The following ZNF567 variants were observed in gnomAD, a reference collection of about 807,000 sequenced individuals.
ZNF567 encodes zinc finger protein 567.
In ZNF567, 36 loss-of-function variants were observed where a neutral mutation model predicts 53.9. The observed-to-expected ratio is 0.67, with a 90% CI of 0.51 to 0.88. The LOEUF (loss-of-function observed/expected upper bound fraction) is 0.88. Among genes scored for constraint, ZNF567 ranks in the 40% least tolerant of loss-of-function variants. The pLI is 0.00. For synonymous variants in ZNF567, 224 were observed against 260.4 expected, an observed-to-expected ratio of 0.86 and a Z score of 1.35; for missense variants, 619 against 764.7, an observed-to-expected ratio of 0.81 and a Z score of 2.25.
chr19:36,712,688 G>A lies in ZNF567; in HGVS notation c.137-93G>A, dbSNP rs1222018016. ...TGCTACCTATATTGTTACACAAATGGGTGTCTTAATTTGCAGTACTGAACA... is the reference window on the plus strand; with the variant it reads ...TGCTACCTATATTGTTACACAAATGAGTGTCTTAATTTGCAGTACTGAACA... On this transcript the variant is annotated intron_variant, in intron 4 of 5. Coordinates refer to ENST00000682579, the MANE Select transcript of ZNF567 (RefSeq NM_001322917.1). 2.9e-6 allele frequency: 4 copies of A among 1,385,190 alleles called. No homozygotes were observed. The East Asian group carries it at 9.2e-5, about 32-fold the overall frequency. 85.8% of individuals were successfully genotyped at this position (1,385,190 alleles called of 1,614,324 possible). A position where few individuals can be genotyped will look rare whatever the true frequency, so the allele number is the denominator to read the frequency against.
the ZNF567 span, among the ~76,000 whole-genome samples, chr19:36,676,082 T>TTTTTTTTTTTTTTTTTC: frequency 7.3e-6 from 1 of 136,718 alleles, no homozygotes; most frequent in Non-Finnish European, 1.6e-5. Context: ...TTTTTTTTTT[T>TTTTTTTTTTTTTTTTTC]TTGAGACAGA....
chr19:36,703,247 G>A (rs1275157518), intron 3 of ZNF567, among the ~76,000 whole-genome samples: 3 of 152,106 alleles, frequency 2.0e-5, no homozygotes, highest in East Asian at 1.9e-4. Context: ...GCGGATTTTC[G>A]TGATCCGCAA....
At chr19:36,689,240 T>A (rs146842720) in intron 1 of ZNF567, among the ~76,000 whole-genome samples, 157 bp from the exon 2 acceptor site, 1,954 of 70,984 alleles carry the variant, frequency 0.028, 24 homozygotes, top group Middle Eastern at 0.058. Flanking sequence ...TTTGAGAGTG[T>A]GTGTGTGTGT....
chr19:36,696,807 A>G (rs1286675568), intron 3 of ZNF567, among the ~76,000 whole-genome samples: 1 of 152,172 alleles, frequency 6.6e-6, no homozygotes, highest in Non-Finnish European at 1.5e-5. Flanking sequence ...ACTTTTTATT[A>G]TGGTAAAATA....
rs1302802750 is a variant in ZNF567, at chr19:36,719,543, A to G, written c.819A>G (p.Gly273=). The G allele has an allele frequency of 1.9e-6, 3 of 1,614,034 alleles. No individual in the cohort carries two copies. Among genetic ancestry groups the G allele is most frequent in the Non-Finnish European group, 2.5e-6 (3 of 1,180,024 alleles). Reference sequence around the variant, plus strand: ...AATCAGTATTGATTCTGCATCAGGGAATTCACTCAGAAGAAAAACCCTATC... The same window carrying G: ...AATCAGTATTGATTCTGCATCAGGGGATTCACTCAGAAGAAAAACCCTATC... ...CRKSVLILHQ[G]IHSEEKPYQC... is the part of the protein sequence containing the mutation. Residue 273 remains glycine (G), a synonymous_variant, in exon 6 of 6, where the codon GGA becomes GGG. Coordinates refer to ENST00000682579, the MANE Select transcript of ZNF567 (RefSeq NM_001322917.1).
At position 36,720,899 on chromosome 19, in the gene ZNF567, C is replaced by G. The variant is rs971017808; in HGVS notation, c.*231C>G. ...ATTTTAAAGTCAACTGCTCTTCCTA[C>G]TGACTCAAATAGTTTATTTTTTAAA... On this transcript the variant is annotated 3_prime_UTR_variant, in exon 6 of 6. Coordinates refer to ENST00000682579, the MANE Select transcript of ZNF567 (RefSeq NM_001322917.1). 2.2e-5 allele frequency: 7 copies of G among 323,752 alleles called. No individual in the cohort carries two copies. The East Asian group carries it at 3.0e-4, about 14-fold the overall frequency. The allele number at this position is 323,752 out of a possible 1,614,324, so 20.1% of individuals were successfully genotyped here.
At chr19:36,721,668 T>A (rs28735856), downstream of ZNF567, among the ~76,000 whole-genome samples, 2,246 of 151,972 alleles carry the variant, frequency 0.015, 56 homozygotes, top group African/African-American at 0.05. Context: ...GGAATTAGAA[T>A]TCATACAAGA....
chr19:36,675,512 A>C, the ZNF567 span, among the ~76,000 whole-genome samples: 1 of 152,026 alleles, frequency 6.6e-6, no homozygotes, highest in African/African-American at 2.4e-5. Flanking sequence ...GTCTCTACTA[A>C]AAATACAAAA....
the ZNF567 span, among the ~76,000 whole-genome samples, chr19:36,673,060 A>G: frequency 6.6e-6 from 1 of 151,068 alleles, no homozygotes; most frequent in East Asian, 1.9e-4. Context: ...TGATATACTG[A>G]CTTTATATTA....
intron 3 of ZNF567, among the ~76,000 whole-genome samples, chr19:36,700,757 T>C (rs923277170): frequency 6.6e-6 from 1 of 152,204 alleles, no homozygotes; most frequent in Non-Finnish European, 1.5e-5. Context: ...TTCTGTGGGA[T>C]CGGTGGTGAT....
chr19:36,715,505 TAA>T (rs1568711485), intron 5 of ZNF567, among the ~76,000 whole-genome samples: 2,278 of 27,282 alleles, frequency 0.083, 19 homozygotes, highest in African/African-American at 0.2. Flanking sequence ...ATAATAATAA[TAA>T]TAATTATTAT....
chr19:36,690,237 AAG>A (rs1194798226), intron 2 of ZNF567, among the ~76,000 whole-genome samples: 1 of 152,214 alleles, frequency 6.6e-6, no homozygotes, highest in African/African-American at 2.4e-5. Flanking sequence ...CATCAAAAAT[AAG>A]AGATACAAAG....
chr19:36,717,271 A>G (rs770797435), intron 5 of ZNF567, among the ~76,000 whole-genome samples: 2 of 152,174 alleles, frequency 1.3e-5, no homozygotes, highest in Non-Finnish European at 2.9e-5. Context: ...CAATAATTAT[A>G]TTGCAAATTT....
At chr19:36,714,586 T>G (rs1600568193) in intron 5 of ZNF567, 2 of 394,486 alleles carry the variant, frequency 5.1e-6, no homozygotes, top group East Asian at 7.2e-5. Context: ...GGCTTTGTTT[T>G]CTGTGCTAAG....
At chr19:36,693,948 C>T (rs967707342) in intron 2 of ZNF567, among the ~76,000 whole-genome samples, 2 of 152,130 alleles carry the variant, frequency 1.3e-5, no homozygotes, top group Non-Finnish European at 2.9e-5. Flanking sequence ...CCTGTAATCA[C>T]ATATAGGAGG....
chr19:36,720,709 A>G lies in ZNF567; in HGVS notation c.*41A>G. The G allele has an allele frequency of 6.8e-7, 1 of 1,479,966 alleles. No homozygotes were observed. Among genetic ancestry groups the G allele is most frequent in the Non-Finnish European group, 9.0e-7 (1 of 1,114,508 alleles). 91.7% of individuals were successfully genotyped at this position (1,479,966 alleles called of 1,614,324 possible). On this transcript the variant is annotated 3_prime_UTR_variant, in exon 6 of 6. Transcript: ENST00000682579. ...ATATGAATTCTTTACAAGCTGTTGT[A>G]AACATTTAGTTTTAAAAAGAAAAGC...
chr19:36,712,775 T>C lies in ZNF567; in HGVS notation c.137-6T>C. The C allele has an allele frequency of 1.2e-6, 2 of 1,612,532 alleles. No homozygotes were observed. The highest frequency in any genetic ancestry group is 1.7e-6 in the Non-Finnish European group (2 of 1,179,442). ...AATCAACTTAAGTCTTTTTTTCACT[T>C]TTCAGGGTGTCACATGACCAAACCT... On this transcript the variant is annotated splice_polypyrimidine_tract_variant and splice_region_variant and intron_variant, in intron 4 of 5. Coordinates refer to ENST00000682579, the MANE Select transcript of ZNF567 (RefSeq NM_001322917.1).
At chr19:36,712,624 C>G in intron 4 of ZNF567, 112 bp downstream of exon 4, 1 of 1,482,822 alleles carries the variant, frequency 6.7e-7, no homozygotes, top group Non-Finnish European at 9.4e-7. Flanking sequence ...TTTTCGTTAG[C>G]AGAATGAATG....
upstream of ZNF567, chr19:36,685,633 T>G (rs1258652572): frequency 6.6e-6 from 1 of 152,194 alleles, no homozygotes; most frequent in Non-Finnish European, 1.5e-5. Context: ...TAAGGAATAT[T>G]TTCAAGATAC....
Sources: gnomAD v4.1 joint callset for allele counts (sites outside exome capture counted in the v4.1 genomes callset) on GRCh38, gnomAD v4.1.1 for gene constraint, MANE v1.5 for transcripts, NCBI Gene and HGNC (gene_info 2026-07-23, HGNC 2026-07-21) for gene names.